The following COBL variants were observed in gnomAD, a reference collection of about 807,000 sequenced individuals.
COBL encodes the protein cordon-bleu WH2 repeat protein, also known as protein cordon-bleu.
COBL carries 51 observed loss-of-function variants against 98.8 expected under a neutral mutation model. The ratio of observed to expected loss-of-function variants is 0.52; its 90% CI spans 0.41 to 0.65. The LOEUF is 0.65. Ranked by LOEUF, COBL falls within the 30% of genes least tolerant of loss-of-function variation. The pLI is 0.00. For synonymous variants in COBL, 634 were observed against 651.7 expected, an observed-to-expected ratio of 0.97 and a Z score of 0.41; for missense variants, 1,617 against 1,617.5, an observed-to-expected ratio of 1.00 and a Z score of 0.01.
rs143795779 is a variant in COBL at position 51,067,247 on chromosome 7, G to A, written c.1096+17919C>T. Among the ~76,000 whole-genome samples the A allele has an allele frequency of 2.2e-3, 329 of 152,330 alleles. 1 individual carries two copies. The highest frequency in any genetic ancestry group is 3.4e-3 in the Middle Eastern group (1 of 294). ...TATACACATGGATGTATGAGTGCAC[G>A]CACGTGTTATGTATATTTGCACACA... On this transcript the variant is annotated intron_variant, in intron 7 of 12. Coordinates refer to ENST00000265136, the MANE Select transcript of COBL (RefSeq NM_015198.5).
intron 1 of COBL, among the ~76,000 whole-genome samples, chr7:51,228,984 A>G (rs1311924932): frequency 6.6e-6 from 1 of 152,226 alleles, no homozygotes; most frequent in South Asian, 2.1e-4. Context: ...TAGATCAGAG[A>G]AAACTTACTG....
chr7:51,306,936 A>G (rs1802529368), intron 1 of COBL, among the ~76,000 whole-genome samples: 1 of 152,210 alleles, frequency 6.6e-6, no homozygotes, highest in African/African-American at 2.4e-5. Flanking sequence ...TAGCTTTCAT[A>G]AAGCAGCTTT....
chr7:51,110,402 C>T (rs1405005975), intron 6 of COBL, among the ~76,000 whole-genome samples: 1 of 152,110 alleles, frequency 6.6e-6, no homozygotes, highest in East Asian at 1.9e-4. Flanking sequence ...AATATAATGG[C>T]CTCCAGTTCC....
intron 4 of COBL, chr7:51,187,966 A>G (rs1563013399): frequency 8.1e-7 from 1 of 1,232,380 alleles, no homozygotes; most frequent in East Asian, 3.2e-5. Context: ...GAACTGGAAA[A>G]GGCAGGCAAT....
At chr7:51,048,368 G>T (rs1022048647) in intron 7 of COBL, among the ~76,000 whole-genome samples, 1 of 152,036 alleles carries the variant, frequency 6.6e-6, no homozygotes, top group South Asian at 2.1e-4. Flanking sequence ...TTTTTAAATT[G>T]TATTACTGTT....
chr7:51,090,709 C>T (rs577668520), intron 6 of COBL, among the ~76,000 whole-genome samples: 7 of 152,304 alleles, frequency 4.6e-5, no homozygotes, highest in African/African-American at 9.6e-5. Flanking sequence ...GCTTATCCCT[C>T]GGGAGGAAAT....
intron 5 of COBL, among the ~76,000 whole-genome samples, chr7:51,148,407 C>A (rs1785241863): frequency 6.6e-6 from 1 of 152,192 alleles, no homozygotes; most frequent in Non-Finnish European, 1.5e-5. Context: ...ACTATAGGTG[C>A]TATTCAATGT....
At chr7:51,148,749 A>G (rs376621805) in intron 5 of COBL, among the ~76,000 whole-genome samples, 1 of 152,214 alleles carries the variant, frequency 6.6e-6, no homozygotes, top group African/African-American at 2.4e-5. Flanking sequence ...ACCCCTTCAG[A>G]GCCAGGCCAA....
At chr7:51,264,384 C>G (rs1448439769) in intron 1 of COBL, among the ~76,000 whole-genome samples, 2 of 152,102 alleles carry the variant, frequency 1.3e-5, no homozygotes, top group Admixed American at 6.5e-5. Flanking sequence ...TAAAAAGCAA[C>G]CCCCGGCCAG....
intron 2 of COBL, 46 bp downstream of exon 2, chr7:51,219,695 C>T (rs1030638155): frequency 4.4e-6 from 7 of 1,585,698 alleles, no homozygotes; most frequent in Non-Finnish European, 5.2e-6. Flanking sequence ...CCCCGCTATA[C>T]TCGCAAAGTG....
chr7:51,188,879 C>G (rs905614887), intron 4 of COBL, among the ~76,000 whole-genome samples: 1 of 152,224 alleles, frequency 6.6e-6, no homozygotes, highest in Non-Finnish European at 1.5e-5. Flanking sequence ...CCAGGTTCAA[C>G]ATCTACCTTT....
chr7:51,104,040 G>A lies in COBL; in HGVS notation c.958-18736C>T, dbSNP rs1449573554. ...AGTTTCCTGAGAGAGTCAGGGTCAA[G>A]TCTGAGAATTCAGAAAAGTTTTGTG... On this transcript the variant is annotated intron_variant, in intron 6 of 12. Transcript: ENST00000265136. Among the ~76,000 whole-genome samples the A allele has an allele frequency of 2.6e-5, 4 of 152,254 alleles. No individual in the cohort carries two copies. The East Asian group carries it at 5.8e-4, about 22-fold the overall frequency.
intron 6 of COBL, among the ~76,000 whole-genome samples, chr7:51,110,006 C>T (rs971721257): frequency 1.3e-5 from 2 of 152,098 alleles, no homozygotes; most frequent in African/African-American, 4.8e-5. Context: ...AATAATTGTA[C>T]ATATTTATGG....
intron 2 of COBL, among the ~76,000 whole-genome samples, chr7:51,209,023 A>T (rs2129074459): frequency 6.8e-6 from 1 of 146,302 alleles, no homozygotes; most frequent in Non-Finnish European, 1.5e-5. Flanking sequence ...CCCCTCTGTG[A>T]GAAACACCCA....
At chr7:51,246,062 AG>A (rs533838781) in intron 1 of COBL, among the ~76,000 whole-genome samples, 170 of 152,350 alleles carry the variant, frequency 1.1e-3, no homozygotes, top group African/African-American at 3.8e-3. Context: ...ATTTTTAAGT[AG>A]AAAGGCCTAA....
chr7:51,232,457 C>A (rs1794839450), intron 1 of COBL, among the ~76,000 whole-genome samples: 1 of 151,986 alleles, frequency 6.6e-6, no homozygotes, highest in African/African-American at 2.4e-5. Context: ...ATGGAGAGGA[C>A]CCCACCAGTG....
chr7:51,167,977 GA>G (rs1179967015), intron 5 of COBL, among the ~76,000 whole-genome samples: 1 of 152,084 alleles, frequency 6.6e-6, no homozygotes, highest in Non-Finnish European at 1.5e-5. Flanking sequence ...AAAAATTGGG[GA>G]AAATCTCCAG....
chr7:51,056,812 A>AACACACACACAC (rs3047115), intron 7 of COBL, among the ~76,000 whole-genome samples: 1,998 of 143,646 alleles, frequency 0.014, 34 homozygotes, highest in Middle Eastern at 0.046. Flanking sequence ...GTGCTCTCCC[A>AACACACACACAC]ACACACACAC....
rs1246334613 is a variant in COBL, at chr7:51,029,450, T to C, written c.1646A>G (p.Asp549Gly). The C allele has an allele frequency of 5.0e-6, 8 of 1,614,170 alleles. No homozygotes were observed. The highest frequency in any genetic ancestry group is 2.7e-5 in the African/African-American group (2 of 75,028). ...IPVTFIGEVS[D>G]DPVDSGLFSN... Reference sequence around the variant, plus strand: ...AAACAACCCCGAATCCACAGGATCATCTGAAACTTCCCCTATGAATGTTAC... The same window carrying C: ...AAACAACCCCGAATCCACAGGATCACCTGAAACTTCCCCTATGAATGTTAC... Residue 549 changes from aspartate to glycine, a missense_variant, in exon 10 of 13, where the codon GAT (aspartate) becomes GGT (glycine). By Grantham distance (94) the Asp-to-Gly change is moderately conservative (BLOSUM62 -1). Transcript: ENST00000265136.
Sources: gnomAD v4.1 joint callset for allele counts (sites outside exome capture counted in the v4.1 genomes callset) on GRCh38, gnomAD v4.1.1 for gene constraint, MANE v1.5 for transcripts, NCBI Gene and HGNC (gene_info 2026-07-23, HGNC 2026-07-21) for gene names.